The following CPNE4 variants were observed in gnomAD, a reference collection of about 807,000 sequenced individuals.
CPNE4 encodes copine-4.
Under a neutral mutation model 67.9 loss-of-function variants are expected in CPNE4, and 25 were observed. The ratio of observed to expected loss-of-function variants is 0.37; its 90% CI spans 0.27 to 0.51. The LOEUF (loss-of-function observed/expected upper bound fraction) is 0.51. Ranked by LOEUF, CPNE4 falls within the 20% of genes least tolerant of loss-of-function variation. The pLI is 0.93. For missense variants in CPNE4, 464 were observed against 690.8 expected, an observed-to-expected ratio of 0.67 and a Z score of 3.68; for synonymous variants, 242 against 244.9, an observed-to-expected ratio of 0.99 and a Z score of 0.11.
chr3:131,668,272 A>G (rs10512814), intron 7 of CPNE4, among the ~76,000 whole-genome samples: 50,243 of 152,140 alleles, frequency 0.33, 8,669 homozygotes, highest in African/African-American at 0.4. Context: ...AGATCATATC[A>G]ATGAATCAAA....
chr3:132,027,918 T>C (rs1445685097), intron 1 of CPNE4, among the ~76,000 whole-genome samples: 1 of 152,252 alleles, frequency 6.6e-6, no homozygotes, highest in Non-Finnish European at 1.5e-5. Context: ...CCTTTCAATA[T>C]TTTTAAAACA....
chr3:131,943,098 G>C (rs1003643833), intron 1 of CPNE4, among the ~76,000 whole-genome samples: 1 of 152,138 alleles, frequency 6.6e-6, no homozygotes, highest in Non-Finnish European at 1.5e-5. Flanking sequence ...TGGATATAAA[G>C]TATAATTTGT....
intron 2 of CPNE4, among the ~76,000 whole-genome samples, chr3:131,862,933 C>T (rs2086755599): frequency 6.6e-6 from 1 of 151,118 alleles, no homozygotes; most frequent in South Asian, 2.1e-4. Flanking sequence ...TGTTCAATTC[C>T]CACCTATGAG....
In CPNE4 at chr3:131,978,428, TTATATATTTA is replaced by T. The variant is rs1218649448; in HGVS notation, c.-2+56129_-2+56138del. Among the ~76,000 whole-genome samples, 3 of 558 alleles carry T rather than the reference TTATATATTTA, an allele frequency of 5.4e-3. 1 individual carries two copies. The highest frequency in any genetic ancestry group is 0.012 in the Non-Finnish European group (3 of 260). 0.4% of individuals were successfully genotyped at this position (558 alleles called of 152,430 possible). A position where few individuals can be genotyped will look rare whatever the true frequency, so the allele number is the denominator to read the frequency against. On this transcript the variant is annotated intron_variant, in intron 1 of 15. Coordinates refer to ENST00000429747, the MANE Select transcript of CPNE4 (RefSeq NM_130808.3). The stretch of plus-strand genomic sequence containing the variant: ...TATTTATATATATGTATATATATAT[TTATATATTTA>T]TATATATTTATATATATATTTATAT...
At position 131,938,683 on chromosome 3, in the gene CPNE4, C is replaced by T. The variant is rs573803812; in HGVS notation, c.-1-33239G>A. 2.6e-5 allele frequency among the ~76,000 whole-genome samples: 4 copies of T among 152,122 alleles called. No homozygotes were observed. The East Asian group carries it at 5.8e-4, about 22-fold the overall frequency. Reference sequence around the variant, plus strand: ...ACTTTTAAAACCAACAGATCTTGTGCGAACTCCCGCACTATTAGGAAACCG... The same window carrying T: ...ACTTTTAAAACCAACAGATCTTGTGTGAACTCCCGCACTATTAGGAAACCG... On this transcript the variant is annotated intron_variant, in intron 1 of 15. Coordinates refer to ENST00000429747, the MANE Select transcript of CPNE4 (RefSeq NM_130808.3).
At chr3:132,004,271 A>G (rs2073531617) in intron 1 of CPNE4, among the ~76,000 whole-genome samples, 2 of 152,132 alleles carry the variant, frequency 1.3e-5, no homozygotes, top group South Asian at 4.1e-4. Flanking sequence ...ACAAAAGTGC[A>G]TTTTTCGGTA....
intron 1 of CPNE4, among the ~76,000 whole-genome samples, chr3:131,946,943 A>G (rs1303911447): frequency 6.6e-6 from 1 of 152,174 alleles, no homozygotes; most frequent in Admixed American, 6.5e-5. Context: ...TCCCAGCACC[A>G]TTTGTTGAAG....
At chr3:131,857,191 G>T (rs891692834) in intron 2 of CPNE4, among the ~76,000 whole-genome samples, 1 of 151,966 alleles carries the variant, frequency 6.6e-6, no homozygotes, top group African/African-American at 2.4e-5. Context: ...GCTAATACTA[G>T]TGCAAGATTC....
chr3:132,021,870 G>A (rs2074004474), intron 1 of CPNE4, among the ~76,000 whole-genome samples: 1 of 152,128 alleles, frequency 6.6e-6, no homozygotes, highest in Admixed American at 6.5e-5. Flanking sequence ...CACAGGAAGG[G>A]AATCGGATTC....
intron 2 of CPNE4, among the ~76,000 whole-genome samples, chr3:131,862,505 G>A (rs759482629): frequency 1.4e-4 from 22 of 151,968 alleles, no homozygotes; most frequent in South Asian, 1.0e-3. Flanking sequence ...CCTCTTACAT[G>A]GCCACTAATT....
intron 2 of CPNE4, among the ~76,000 whole-genome samples, chr3:131,885,657 C>A (rs1583403317): frequency 6.6e-6 from 1 of 152,152 alleles, no homozygotes; most frequent in East Asian, 1.9e-4. Context: ...CGTCATCTAG[C>A]ATTAGGTATA....
chr3:131,697,697 T>C (rs963205733), intron 4 of CPNE4, among the ~76,000 whole-genome samples: 1 of 152,198 alleles, frequency 6.6e-6, no homozygotes, highest in African/African-American at 2.4e-5. Flanking sequence ...ACTATCATAT[T>C]TGTATTTTTC....
At position 131,594,421 on chromosome 3, in the gene CPNE4, A is replaced by C. The variant is rs145091038; in HGVS notation, c.682-6839T>G. ...TTCATATATATTCAACTGAACTTTG[A>C]GAAGGGTGTCAATAATACACAATGG... On this transcript the variant is annotated intron_variant, in intron 7 of 15. Coordinates refer to ENST00000429747, the MANE Select transcript of CPNE4 (RefSeq NM_130808.3). Among the ~76,000 whole-genome samples the C allele has an allele frequency of 6.4e-3, 980 of 152,340 alleles. 10 individuals carry two copies. The highest frequency in any genetic ancestry group is 0.023 in the African/African-American group (937 of 41,584).
At chr3:131,914,495 T>A (rs1444730730) in intron 1 of CPNE4, among the ~76,000 whole-genome samples, 1 of 152,148 alleles carries the variant, frequency 6.6e-6, no homozygotes, top group African/African-American at 2.4e-5. Context: ...ATTTTGTAAA[T>A]TAATCTGCCC....
intron 13 of CPNE4, among the ~76,000 whole-genome samples, chr3:131,550,651 A>T (rs954393908): frequency 1.3e-5 from 2 of 152,086 alleles, no homozygotes; most frequent in African/African-American, 4.8e-5. Flanking sequence ...AGGAATCATG[A>T]CTTACTTATT....
At chr3:131,686,062 T>C in intron 5 of CPNE4, 104 bp from the exon 6 acceptor site, 1 of 669,904 alleles carries the variant, frequency 1.5e-6, no homozygotes, top group Non-Finnish European at 2.6e-6. Context: ...TGATTTCCTA[T>C]TTTTTATATG....
intron 1 of CPNE4, among the ~76,000 whole-genome samples, chr3:131,917,481 A>T (rs2070593373): frequency 6.6e-6 from 1 of 152,080 alleles, no homozygotes; most frequent in Non-Finnish European, 1.5e-5. Context: ...GGGAGGAGGA[A>T]AGCCACTACA....
chr3:132,006,655 A>AT (rs113475309), intron 1 of CPNE4, among the ~76,000 whole-genome samples: 17,755 of 149,614 alleles, frequency 0.12, 1,958 homozygotes, highest in African/African-American at 0.29. Flanking sequence ...CTTTCTTTCC[A>AT]TTTTTTTTTG....
chr3:131,638,528 A>G (rs1013217307), intron 7 of CPNE4, among the ~76,000 whole-genome samples: 21 of 152,128 alleles, frequency 1.4e-4, no homozygotes, highest in African/African-American at 4.3e-4. Context: ...CAAAACAATT[A>G]CTCATACTAG....
Sources: gnomAD v4.1 joint callset for allele counts (sites outside exome capture counted in the v4.1 genomes callset) on GRCh38, gnomAD v4.1.1 for gene constraint, MANE v1.5 for transcripts, NCBI Gene and HGNC (gene_info 2026-07-23, HGNC 2026-07-21) for gene names.